COL4A3: variants seen among roughly 807,000 people sequenced by gnomAD.
COL4A3 encodes the protein collagen type IV alpha 3 chain, also known as collagen alpha-3(IV) chain.
COL4A3 carries 135 observed loss-of-function variants against 217.4 expected under a neutral mutation model. The observed-to-expected ratio is 0.62, with a 90% confidence interval of 0.54 to 0.72. The LOEUF is 0.72. COL4A3 is among the 30% of genes least tolerant of loss of function. COL4A3 has a pLI of 0.00. For synonymous variants in COL4A3, 690 were observed against 736.3 expected, an observed-to-expected ratio of 0.94 and a Z score of 1.02; for missense variants, 1,868 against 2,119.9, an observed-to-expected ratio of 0.88 and a Z score of 2.33.
chr2:227,195,950 A>G (rs1042629683), intron 1 of COL4A3, among the ~76,000 whole-genome samples: 1 of 152,114 alleles, frequency 6.6e-6, no homozygotes, highest in East Asian at 1.9e-4. Context: ...TAAATAAACA[A>G]TTTAAAAATA....
chr2:227,311,582 G>A (rs1372225630), intron 51 of COL4A3, among the ~76,000 whole-genome samples: 1 of 152,090 alleles, frequency 6.6e-6, no homozygotes, highest in African/African-American at 2.4e-5. Context: ...GTTTCACCAT[G>A]TTGGCCGCTG....
intron 1 of COL4A3, among the ~76,000 whole-genome samples, chr2:227,236,811 C>G (rs1418378537): frequency 6.6e-6 from 1 of 152,034 alleles, no homozygotes; most frequent in Non-Finnish European, 1.5e-5. Context: ...AGGAGCCCAC[C>G]ACCACACCCA....
chr2:227,242,583 T>A (rs2069090911), intron 3 of COL4A3, among the ~76,000 whole-genome samples: 1 of 152,134 alleles, frequency 6.6e-6, no homozygotes, highest in Non-Finnish European at 1.5e-5. Flanking sequence ...CCAGCCCCCA[T>A]CTGGGAGCCC....
intron 27 of COL4A3, among the ~76,000 whole-genome samples, chr2:227,276,751 C>G (rs1204502458): frequency 6.6e-6 from 1 of 152,154 alleles, no homozygotes; most frequent in African/African-American, 2.4e-5. Context: ...GCAGAAAAAC[C>G]GTTCTGGAGT....
chr2:227,239,029 T>C (rs10172034), intron 2 of COL4A3, among the ~76,000 whole-genome samples: 53,012 of 152,080 alleles, frequency 0.35, 10,054 homozygotes, highest in African/African-American at 0.51. Flanking sequence ...CAATGTAAAA[T>C]AGCTGACTTG....
At chr2:227,291,099 A>G (rs567534024) in intron 37 of COL4A3, 8 of 557,226 alleles carry the variant, frequency 1.4e-5, no homozygotes, top group East Asian at 1.4e-4. Context: ...TCAGTCACCA[A>G]GGAATTTCTC....
rs573485576 is a variant in COL4A3, at chr2:227,218,139, T to C, written c.88-19829T>C. ...TTTGCCTTAATAGCTAAACCCCTTTTTAAGGTTTTCCAAATGCGACTGCTC... is the reference window on the plus strand; with the variant it reads ...TTTGCCTTAATAGCTAAACCCCTTTCTAAGGTTTTCCAAATGCGACTGCTC... On this transcript the variant is annotated intron_variant, in intron 1 of 51. Transcript: ENST00000396578. Among the ~76,000 whole-genome samples, 15 of 149,522 alleles carry C rather than the reference T, an allele frequency of 1.0e-4. No homozygotes were observed. The East Asian group carries it at 2.9e-3, about 29-fold the overall frequency.
rs1290395995 is a variant in COL4A3 at position 227,312,598 on chromosome 2, C to T, written c.*728C>T. ...GTAGCTCTAAAATCTGCTTGTATTCCAAGCATATAAAATTTTCCCCCTTAG... is the reference window on the plus strand; with the variant it reads ...GTAGCTCTAAAATCTGCTTGTATTCTAAGCATATAAAATTTTCCCCCTTAG... On this transcript the variant is annotated 3_prime_UTR_variant, in exon 52 of 52. Transcript: ENST00000396578. 2 of 152,380 alleles carry T rather than the reference C, an allele frequency of 1.3e-5. No homozygotes were observed. The highest frequency in any genetic ancestry group is 1.9e-4 in the East Asian group (1 of 5,202). 9.4% of individuals were successfully genotyped at this position (152,380 alleles called of 1,614,324 possible). A position where few individuals can be genotyped will look rare whatever the true frequency, so the allele number is the denominator to read the frequency against.
At chr2:227,279,754 A>C in intron 28 of COL4A3, 39 bp from the exon 29 acceptor site, 1 of 1,375,528 alleles carries the variant, frequency 7.3e-7, no homozygotes, top group South Asian at 1.2e-5. Flanking sequence ...TTTCAATAAG[A>C]CTAATCCTAC....
intron 1 of COL4A3, among the ~76,000 whole-genome samples, chr2:227,199,039 T>C (rs995351982): frequency 1.3e-5 from 2 of 152,142 alleles, no homozygotes; most frequent in Non-Finnish European, 2.9e-5. Flanking sequence ...GTGGGACTTA[T>C]TTTCCAGTGC....
intron 3 of COL4A3, among the ~76,000 whole-genome samples, 165 bp downstream of exon 3, chr2:227,240,397 T>A (rs1386234149): frequency 6.6e-6 from 1 of 152,212 alleles, no homozygotes; most frequent in East Asian, 1.9e-4. Context: ...AACCGCAACC[T>A]GCTCCAAGAC....
rs932773054 is a variant in COL4A3, at chr2:227,250,377, T to C, written c.547-763T>C. 5.3e-5 allele frequency among the ~76,000 whole-genome samples: 8 copies of C among 150,716 alleles called. No individual in the cohort carries two copies. Among genetic ancestry groups the C allele is most frequent in the African/African-American group, 1.7e-4 (7 of 40,424 alleles). On this transcript the variant is annotated intron_variant, in intron 9 of 51. Transcript: ENST00000396578. The surrounding 1 kb of genome is among the most constrained non-coding windows in gnomAD (Gnocchi z 4.1). ...ATAGATAGATAGATAGATAGATAGATAGATAGATATTTAAAAATTGTATGA... is the reference window on the plus strand; with the variant it reads ...ATAGATAGATAGATAGATAGATAGACAGATAGATATTTAAAAATTGTATGA...
rs941587825 is a variant in COL4A3 at position 227,253,918 on chromosome 2, G to A, written c.766-194G>A. 1.3e-5 allele frequency among the ~76,000 whole-genome samples: 2 copies of A among 152,162 alleles called. No individual in the cohort carries two copies. The highest frequency in any genetic ancestry group is 4.8e-5 in the African/African-American group (2 of 41,432). On this transcript the variant is annotated intron_variant, in intron 13 of 51. Transcript: ENST00000396578. This position sits in a 1 kb window ranked among gnomAD's most constrained non-coding sequence, Gnocchi z 4.4. ...AAAGATACTTAAAAAAAAGCTTGCA[G>A]GTAGTTTCAGTGAGTTCGCAGGTAT...
rs1559820327 is a variant in COL4A3 at position 227,202,956 on chromosome 2, T to TATATGTGTATATATGTGTATATATAC, written c.88-34981_88-34956dup. Among the ~76,000 whole-genome samples the TATATGTGTATATATGTGTATATATAC allele has an allele frequency of 5.7e-4, 10 of 17,588 alleles. 3 individuals carry two copies. Among genetic ancestry groups the TATATGTGTATATATGTGTATATATAC allele is most frequent in the Non-Finnish European group, 8.6e-4 (9 of 10,462 alleles). 11.5% of individuals were successfully genotyped at this position (17,588 alleles called of 152,430 possible). On this transcript the variant is annotated intron_variant, in intron 1 of 51. Transcript: ENST00000396578. ...ATGTGTATATATGTGTATATATACATATATGTGTATATATGTGTATATATA... is the reference window on the plus strand; with the variant it reads ...ATGTGTATATATGTGTATATATACATATATGTGTATATATGTGTATATATACATATGTGTATATATGTGTATATATA...
chr2:227,172,356 C>G (rs1378093159), intron 1 of COL4A3, among the ~76,000 whole-genome samples: 1 of 152,102 alleles, frequency 6.6e-6, no homozygotes, highest in African/African-American at 2.4e-5. Flanking sequence ...TAGCTACCTA[C>G]AGTAACAAAA....
At chr2:227,216,305 G>C (rs756179721) in intron 1 of COL4A3, among the ~76,000 whole-genome samples, 1 of 152,120 alleles carries the variant, frequency 6.6e-6, no homozygotes, top group Non-Finnish European at 1.5e-5. Flanking sequence ...ATTGTAAAAT[G>C]TACTGACTGG....
At chr2:227,308,062 C>G in intron 48 of COL4A3, 143 bp downstream of exon 48, 1 of 780,088 alleles carries the variant, frequency 1.3e-6, no homozygotes, top group Non-Finnish European at 2.2e-6. Flanking sequence ...AAATAAAACA[C>G]TGGCCTGTCT....
At chr2:227,206,027 A>G (rs1383395213) in intron 1 of COL4A3, among the ~76,000 whole-genome samples, 1 of 152,124 alleles carries the variant, frequency 6.6e-6, no homozygotes, top group Non-Finnish European at 1.5e-5. Flanking sequence ...TTTTGATTCA[A>G]CACGTCTGGG....
intron 1 of COL4A3, among the ~76,000 whole-genome samples, chr2:227,199,296 A>AC (rs1378670175): frequency 6.6e-6 from 1 of 151,958 alleles, no homozygotes; most frequent in Non-Finnish European, 1.5e-5. Flanking sequence ...TGTCTATTTC[A>AC]CCCCCATTCC....
Sources: allele counts gnomAD v4.1 joint callset (sites outside exome capture counted in the v4.1 genomes callset), GRCh38; gene constraint gnomAD v4.1.1; non-coding constraint Gnocchi (gnomAD v3.1); transcripts MANE v1.5; gene names NCBI Gene and HGNC (gene_info 2026-07-23, HGNC 2026-07-21).